The following UBA2 variants were observed in gnomAD, a reference collection of about 807,000 sequenced individuals.
UBA2 encodes SUMO-activating enzyme subunit 2.
Under a neutral mutation model 77.2 loss-of-function variants are expected in UBA2, and 11 were observed. The ratio of observed to expected loss-of-function variants is 0.14; its 90% CI spans 0.09 to 0.24. UBA2 has a LOEUF of 0.24. UBA2 is among the 10% of genes least tolerant of loss of function. The pLI is 1.00. For synonymous variants in UBA2, 278 were observed against 276.7 expected (o/e 1.00, Z -0.05); for missense variants, 487 against 781.7 (o/e 0.62, Z 4.50).
intron 15 of UBA2, among the ~76,000 whole-genome samples, chr19:34,465,019 C>G (rs922184560): frequency 6.6e-6 from 1 of 151,948 alleles, no homozygotes; most frequent in African/African-American, 2.4e-5. Flanking sequence ...GGCTGGGTGA[C>G]AAGAGCAAAA....
At chr19:34,450,240 A>G in intron 8 of UBA2, 25 bp from the exon 9 acceptor site, 1 of 1,537,732 alleles carries the variant, frequency 6.5e-7, no homozygotes, top group Non-Finnish European at 9.0e-7. Context: ...TATGGGGTTC[A>G]TGGGATCTGT....
intron 9 of UBA2, among the ~76,000 whole-genome samples, chr19:34,451,051 G>A (rs1274419842): frequency 6.6e-6 from 1 of 152,006 alleles, no homozygotes; most frequent in East Asian, 1.9e-4. Context: ...AGAGTGCAGT[G>A]GCTGTTCACA....
In UBA2 at chr19:34,458,810, T is replaced by C. The variant is rs1218149992; in HGVS notation, c.1287T>C (p.Leu429=). The change falls in exon 13 of 17, where the codon CTT becomes CTC. Residue 429 remains leucine, a synonymous_variant. Transcript: ENST00000246548. Reference sequence around the variant, plus strand: ...AACCAAACCCAAGAAAGAAGCTTCTTGTGCCTTGTGCACTGGATCCTCCCA... The same window carrying C: ...AACCAAACCCAAGAAAGAAGCTTCTCGTGCCTTGTGCACTGGATCCTCCCA... ...NKQPNPRKKL[L]VPCALDPPNP... 3 of 1,613,522 alleles carry C rather than the reference T, an allele frequency of 1.9e-6. No individual in the cohort carries two copies. The highest frequency in any genetic ancestry group is 2.5e-6 in the Non-Finnish European group (3 of 1,179,890).
chr19:34,444,426 C>T (rs1207264922), intron 7 of UBA2, among the ~76,000 whole-genome samples: 1 of 152,182 alleles, frequency 6.6e-6, no homozygotes, highest in African/African-American at 2.4e-5. Flanking sequence ...AGAAATTTCA[C>T]AAGTCTAGTA....
At chr19:34,445,722 G>A (rs1428025112) in intron 8 of UBA2, among the ~76,000 whole-genome samples, 30 of 152,106 alleles carry the variant, frequency 2.0e-4, no homozygotes, top group Non-Finnish European at 1.5e-5. Flanking sequence ...ATAGGCGTGA[G>A]CCACTGCTCC....
At chr19:34,451,924 C>T (rs1170748658) in intron 9 of UBA2, 57 bp from the exon 10 acceptor site, 4 of 982,212 alleles carry the variant, frequency 4.1e-6, no homozygotes, top group Admixed American at 5.8e-5. Context: ...AAACAGAGCA[C>T]AGTAGAGGAA....
At chr19:34,438,807 G>A (rs187020389) in intron 6 of UBA2, 41 bp downstream of exon 6, 3 of 1,607,302 alleles carry the variant, frequency 1.9e-6, no homozygotes, top group East Asian at 4.5e-5. Context: ...CGGTACTGAT[G>A]ATGGAAAATG....
At chr19:34,459,006 G>GAAAA in intron 13 of UBA2, 82 bp downstream of exon 13, 1 of 1,402,678 alleles carries the variant, frequency 7.1e-7, no homozygotes, top group South Asian at 1.6e-5. Context: ...TGCTGATTCT[G>GAAAA]AAAAGGTCCA....
chr19:34,431,497 G>T (rs1281231463), intron 2 of UBA2, among the ~76,000 whole-genome samples: 1 of 151,910 alleles, frequency 6.6e-6, no homozygotes, highest in Non-Finnish European at 1.5e-5. Context: ...TGTCTCTCTT[G>T]CTTGACATGT....
intron 14 of UBA2, 90 bp downstream of exon 14, chr19:34,460,656 C>T (rs1257822537): frequency 1.3e-5 from 12 of 912,178 alleles, no homozygotes; most frequent in Non-Finnish European, 1.8e-5. Context: ...ATGTGATACT[C>T]AGTATTGCAG....
At chr19:34,457,165 C>CA (rs2075572481) in intron 12 of UBA2, among the ~76,000 whole-genome samples, 1 of 8,644 alleles carries the variant, frequency 1.2e-4, no homozygotes, top group Admixed American at 2.6e-3. Flanking sequence ...CTGGTCTCTA[C>CA]TAAAAAAAAA....
chr19:34,444,871 C>G, intron 7 of UBA2, 129 bp from the exon 8 acceptor site: 1 of 921,886 alleles, frequency 1.1e-6, no homozygotes, highest in Non-Finnish European at 1.6e-6. Flanking sequence ...TTTTCTTATT[C>G]CTTGAACTCA....
intron 15 of UBA2, 116 bp downstream of exon 15, chr19:34,464,247 A>G (rs2075663640): frequency 1.4e-6 from 1 of 692,582 alleles, no homozygotes; most frequent in East Asian, 2.8e-5. Context: ...GAAACTGTAT[A>G]GTATATTTGG....
chr19:34,443,816 A>G (rs576158094), intron 6 of UBA2, 28 bp from the exon 7 acceptor site: 2 of 1,352,264 alleles, frequency 1.5e-6, no homozygotes, highest in Non-Finnish European at 2.1e-6. Context: ...TTTGTTATAC[A>G]GAAGTATTTA....
intron 5 of UBA2, among the ~76,000 whole-genome samples, chr19:34,435,616 G>A (rs1440016606): frequency 6.6e-6 from 1 of 151,928 alleles, no homozygotes; most frequent in African/African-American, 2.4e-5. Context: ...GATGACTTGA[G>A]GTCAGGAGTT....
chr19:34,453,998 G>C (rs1244008840), intron 10 of UBA2, among the ~76,000 whole-genome samples: 1 of 152,076 alleles, frequency 6.6e-6, no homozygotes, highest in Non-Finnish European at 1.5e-5. Context: ...AGGCTGGAGT[G>C]AGTTCCTAGA....
At chr19:34,460,606 G>C in intron 14 of UBA2, 40 bp downstream of exon 14, 4 of 1,406,514 alleles carry the variant, frequency 2.8e-6, no homozygotes, top group Middle Eastern at 1.8e-4. Context: ...TCATTGAGGA[G>C]ACTGCTTGAA....
At chr19:34,460,006 CTTCT>C (rs1156383690) in intron 13 of UBA2, among the ~76,000 whole-genome samples, 12 of 151,956 alleles carry the variant, frequency 7.9e-5, no homozygotes, top group Non-Finnish European at 1.3e-4. Flanking sequence ...TCCTTTTTTC[CTTCT>C]TTCTTTTTTA....
chr19:34,450,332 T>C lies in UBA2; in HGVS notation c.839T>C (p.Val280Ala). 1.2e-6 allele frequency: 2 copies of C among 1,610,240 alleles called. No homozygotes were observed. Among genetic ancestry groups the C allele is most frequent in the Non-Finnish European group, 1.7e-6 (2 of 1,179,104 alleles). Residue 280 changes from valine to alanine, a missense_variant, in exon 9 of 17, where the codon GTT (valine) becomes GCT (alanine). Physicochemically the swap from Val to Ala is moderately conservative, Grantham distance 64. Transcript: ENST00000246548. Reference sequence around the variant, plus strand: ...CTATGGCGGAAAAGGAAACCTCCAGTTCCGTTGGACTGGGCTGAAGTACAA... The same window carrying C: ...CTATGGCGGAAAAGGAAACCTCCAGCTCCGTTGGACTGGGCTGAAGTACAA... ...DKLWRKRKPP[V>A]PLDWAEVQSQ...
Sources: allele counts gnomAD v4.1 joint callset (sites outside exome capture counted in the v4.1 genomes callset), GRCh38; gene constraint gnomAD v4.1.1; transcripts MANE v1.5; gene names NCBI Gene and HGNC (gene_info 2026-07-23, HGNC 2026-07-21).